NCAM2: variants seen among roughly 807,000 people sequenced by gnomAD.
NCAM2 encodes neural cell adhesion molecule 2, also known as N-CAM-2.
A neutral mutation model predicts 98.1 loss-of-function variants in NCAM2; 30 were observed. The observed-to-expected ratio is 0.31, with a 90% CI of 0.23 to 0.41. NCAM2 has a LOEUF of 0.41. Among genes scored for constraint, NCAM2 ranks in the 10% least tolerant of loss-of-function variants. NCAM2 has a pLI of 1.00. For synonymous variants in NCAM2, 368 were observed against 342.4 expected (o/e 1.07, Z -0.83); for missense variants, 867 against 1,005.8 (o/e 0.86, Z 1.87).
chr21:21,502,682 A>G (rs1027539780), intron 15 of NCAM2, among the ~76,000 whole-genome samples: 6 of 152,022 alleles, frequency 3.9e-5, no homozygotes, highest in Non-Finnish European at 8.8e-5. Flanking sequence ...GTGGAAAGAT[A>G]CCGTACGTAG....
intron 1 of NCAM2, among the ~76,000 whole-genome samples, chr21:21,125,404 TATA>T (rs1169457757): frequency 2.8e-5 from 4 of 142,298 alleles, no homozygotes; most frequent in African/African-American, 1.0e-4. Flanking sequence ...ATATGTAATA[TATA>T]ATATTTTACA....
intron 12 of NCAM2, among the ~76,000 whole-genome samples, chr21:21,453,353 G>C (rs147300438): frequency 6.6e-6 from 1 of 151,562 alleles, no homozygotes; most frequent in African/African-American, 2.4e-5. Flanking sequence ...GCCTAGCCTT[G>C]GCAGAGGTCA....
At chr21:21,077,130 G>A (rs8132510) in intron 1 of NCAM2, among the ~76,000 whole-genome samples, 5,639 of 152,216 alleles carry the variant, frequency 0.037, 327 homozygotes, top group African/African-American at 0.13. Context: ...TATTAAGGAA[G>A]CTTTTCCTGT....
intron 1 of NCAM2, among the ~76,000 whole-genome samples, chr21:21,148,039 G>C (rs2067338285): frequency 6.6e-6 from 1 of 152,060 alleles, no homozygotes; most frequent in Non-Finnish European, 1.5e-5. Context: ...GAGGCAGAGA[G>C]AGTGCCAATC....
intron 1 of NCAM2, among the ~76,000 whole-genome samples, chr21:21,212,688 G>C (rs1167154056): frequency 6.6e-6 from 1 of 151,774 alleles, no homozygotes; most frequent in Non-Finnish European, 1.5e-5. Flanking sequence ...AAATGTACAT[G>C]AGGTGTCTCT....
intron 9 of NCAM2, among the ~76,000 whole-genome samples, chr21:21,374,665 T>C (rs2075992575): frequency 6.6e-6 from 1 of 151,828 alleles, no homozygotes; most frequent in African/African-American, 2.4e-5. Flanking sequence ...ATACATGCTA[T>C]TTAAAAAGGA....
intron 9 of NCAM2, among the ~76,000 whole-genome samples, chr21:21,402,799 A>G (rs2076660585): frequency 6.6e-6 from 1 of 152,176 alleles, no homozygotes; most frequent in Non-Finnish European, 1.5e-5. Flanking sequence ...TAGGGAAAAT[A>G]TAAAGAACCT....
intron 1 of NCAM2, among the ~76,000 whole-genome samples, chr21:21,164,349 T>G (rs2067884675): frequency 6.6e-6 from 1 of 152,228 alleles, no homozygotes; most frequent in Non-Finnish European, 1.5e-5. Context: ...AGTTTGACCT[T>G]TTGAAACAAA....
chr21:21,152,186 T>G (rs1016143316), intron 1 of NCAM2, among the ~76,000 whole-genome samples: 1 of 152,016 alleles, frequency 6.6e-6, no homozygotes, highest in Non-Finnish European at 1.5e-5. Context: ...TGTGATGTCC[T>G]AAAGTTTACT....
intron 9 of NCAM2, among the ~76,000 whole-genome samples, chr21:21,407,182 G>A (rs367624070): frequency 2.4e-4 from 37 of 152,296 alleles, no homozygotes; most frequent in African/African-American, 8.9e-4. Context: ...CCAGTACCAA[G>A]TTGTTAATTG....
chr21:21,171,057 CA>C (rs1458782259), intron 1 of NCAM2, among the ~76,000 whole-genome samples: 1 of 152,108 alleles, frequency 6.6e-6, no homozygotes, highest in African/African-American at 2.4e-5. Context: ...GTCAATTAGA[CA>C]AGGGTGTGGT....
At chr21:21,286,503 G>T in intron 4 of NCAM2, 91 bp downstream of exon 4, 1 of 1,375,986 alleles carries the variant, frequency 7.3e-7, no homozygotes, top group Non-Finnish European at 9.9e-7. Flanking sequence ...GTAGAAATTT[G>T]AATTTTTGAC....
chr21:21,118,442 G>A (rs2066607883), intron 1 of NCAM2, among the ~76,000 whole-genome samples: 1 of 152,126 alleles, frequency 6.6e-6, no homozygotes, highest in Non-Finnish European at 1.5e-5. Context: ...GATCTGAACT[G>A]CACTCTGAAG....
At chr21:21,280,837 G>A (rs941706339) in intron 2 of NCAM2, among the ~76,000 whole-genome samples, 185 bp downstream of exon 2, 7 of 151,984 alleles carry the variant, frequency 4.6e-5, no homozygotes, top group African/African-American at 1.2e-4. Context: ...ACTGGAGGGC[G>A]GTAGTGTGAT....
intron 1 of NCAM2, among the ~76,000 whole-genome samples, chr21:21,251,744 G>GTT (rs3037910): frequency 0.51 from 73,032 of 143,452 alleles, 18,860 homozygotes; most frequent in South Asian, 0.58. Flanking sequence ...ACTTTTTGAT[G>GTT]TTTTTTTTTT....
intron 8 of NCAM2, among the ~76,000 whole-genome samples, chr21:21,363,984 A>C (rs1314944405): frequency 5.3e-5 from 8 of 152,048 alleles, no homozygotes; most frequent in Admixed American, 5.2e-4. Flanking sequence ...ATTTGTATAT[A>C]GAGTGTTTGT....
chr21:21,360,805 T>C (rs1295634868), intron 8 of NCAM2, among the ~76,000 whole-genome samples: 1 of 152,004 alleles, frequency 6.6e-6, no homozygotes, highest in Non-Finnish European at 1.5e-5. Flanking sequence ...CACAGTAATT[T>C]TAAGTGGTCT....
chr21:21,505,682 G>T (rs950581023), intron 15 of NCAM2, among the ~76,000 whole-genome samples: 2 of 151,862 alleles, frequency 1.3e-5, no homozygotes, highest in Non-Finnish European at 2.9e-5. Context: ...CTGAAAAGAT[G>T]TGCTTACAGA....
chr21:21,125,666 A>C lies in NCAM2; in HGVS notation c.55+127048A>C, dbSNP rs536390815. The stretch of plus-strand genomic sequence containing the variant: ...TACGTGTATATGTAGAGATATATAT[A>C]TCTATATATAGAGATATATATGTAA... On this transcript the variant is annotated intron_variant, in intron 1 of 17. Coordinates refer to ENST00000400546, the MANE Select transcript of NCAM2 (RefSeq NM_004540.5). Among the ~76,000 whole-genome samples the C allele has an allele frequency of 2.0e-3, 270 of 133,052 alleles. 1 individual carries two copies. The highest frequency in any genetic ancestry group is 7.0e-3 in the African/African-American group (258 of 36,770). The allele number at this position is 133,052 out of a possible 152,430, so 87.3% of individuals were successfully genotyped here.
Sources: gnomAD v4.1 joint callset for allele counts (sites outside exome capture counted in the v4.1 genomes callset) on GRCh38, gnomAD v4.1.1 for gene constraint, MANE v1.5 for transcripts, NCBI Gene and HGNC (gene_info 2026-07-23, HGNC 2026-07-21) for gene names.